Variants in STXBP4 observed in about 807,000 individuals in gnomAD.
STXBP4 encodes syntaxin-binding protein 4.
Under a neutral mutation model 76.1 loss-of-function variants are expected in STXBP4, and 55 were observed. The ratio of observed to expected loss-of-function variants is 0.72; its 90% CI spans 0.58 to 0.91. The LOEUF is 0.91. Ranked by LOEUF, STXBP4 falls within the 40% of genes least tolerant of loss-of-function variation. The probability of loss-of-function intolerance (pLI) is 0.00; values close to 1 mark genes in which losing one functional copy is unlikely to be tolerated. For synonymous variants in STXBP4, 201 were observed against 220.2 expected (o/e 0.91, Z 0.77); for missense variants, 618 against 636.9 (o/e 0.97, Z 0.32).
the STXBP4 span, among the ~76,000 whole-genome samples, chr17:55,190,148 CT>C: frequency 6.6e-6 from 1 of 152,128 alleles, no homozygotes; most frequent in Non-Finnish European, 1.5e-5. Flanking sequence ...ATTGGAATCT[CT>C]AGTGAATCAC....
chr17:54,990,391 C>A (rs1377172310), intron 3 of STXBP4, among the ~76,000 whole-genome samples: 2 of 152,060 alleles, frequency 1.3e-5, no homozygotes, highest in Non-Finnish European at 2.9e-5. Flanking sequence ...GGAGCATGAA[C>A]CCTATTGTGA....
chr17:55,115,625 T>A (rs2079771839), intron 16 of STXBP4, among the ~76,000 whole-genome samples: 1 of 151,854 alleles, frequency 6.6e-6, no homozygotes, highest in African/African-American at 2.4e-5. Flanking sequence ...CCTTTGTTTG[T>A]TTTCTCTTTA....
intron 12 of STXBP4, among the ~76,000 whole-genome samples, chr17:55,066,094 C>T (rs188270105): frequency 6.6e-5 from 10 of 152,320 alleles, no homozygotes; most frequent in African/African-American, 2.4e-4. Context: ...GCTACCTAAA[C>T]TGTGGAATCA....
chr17:55,024,870 GC>G (rs1474206207), intron 8 of STXBP4, among the ~76,000 whole-genome samples: 1 of 152,140 alleles, frequency 6.6e-6, no homozygotes, highest in Non-Finnish European at 1.5e-5. Context: ...GGGCACGGTG[GC>G]TCACACCTGT....
intron 10 of STXBP4, among the ~76,000 whole-genome samples, chr17:55,042,928 G>A (rs2078727968): frequency 6.6e-6 from 1 of 152,056 alleles, no homozygotes; most frequent in East Asian, 1.9e-4. Flanking sequence ...AATTCCTGAA[G>A]TCTTTTTGAC....
intron 7 of STXBP4, among the ~76,000 whole-genome samples, chr17:55,001,847 T>C (rs1003891682): frequency 6.6e-6 from 1 of 152,144 alleles, no homozygotes; most frequent in African/African-American, 2.4e-5. Context: ...TTAGCCAGGA[T>C]GGTCTCGATC....
chr17:55,011,299 A>G (rs903545386), intron 8 of STXBP4, among the ~76,000 whole-genome samples: 3 of 151,872 alleles, frequency 2.0e-5, no homozygotes, highest in South Asian at 2.1e-4. Context: ...TGTATGTATT[A>G]TACACATACA....
At chr17:55,154,829 TTATAA>T (rs1598355225) in intron 17 of STXBP4, among the ~76,000 whole-genome samples, 4 of 152,144 alleles carry the variant, frequency 2.6e-5, no homozygotes, top group African/African-American at 4.8e-5. Context: ...CTTTAGATTC[TTATAA>T]TATGATTTGA....
At chr17:55,050,375 A>G (rs886873840) in intron 12 of STXBP4, among the ~76,000 whole-genome samples, 2 of 152,066 alleles carry the variant, frequency 1.3e-5, no homozygotes, top group Admixed American at 1.3e-4. Flanking sequence ...AAGATACTCA[A>G]TCTCTTTCTC....
Position 55,081,187 on chromosome 17 carries a change from A to G in STXBP4, c.1489+4A>G. ...CGTGCCTTACTTGATATGGATTGTA[A>G]GTTTTCTGCATTTTTTCACTTTTTA... On this transcript the variant is annotated splice_donor_region_variant and intron_variant, in intron 16 of 17. Transcript: ENST00000376352. The G allele has an allele frequency of 1.4e-6, 2 of 1,451,324 alleles. No homozygotes were observed. Among genetic ancestry groups the G allele is most frequent in the Non-Finnish European group, 1.8e-6 (2 of 1,099,922 alleles). The allele number at this position is 1,451,324 out of a possible 1,614,324, so 89.9% of individuals were successfully genotyped here.
intron 3 of STXBP4, among the ~76,000 whole-genome samples, chr17:54,988,878 C>T (rs151079240): frequency 1.9e-3 from 285 of 152,252 alleles, no homozygotes; most frequent in Admixed American, 5.2e-3. Context: ...ACCAGATAGG[C>T]CTTCCCAAAT....
At chr17:55,146,535 C>G (rs2080155918) in intron 17 of STXBP4, among the ~76,000 whole-genome samples, 1 of 151,968 alleles carries the variant, frequency 6.6e-6, no homozygotes, top group African/African-American at 2.4e-5. Context: ...CACGGTGAAA[C>G]CCTGTCTCTA....
At chr17:55,015,231 A>C (rs1424949958) in intron 8 of STXBP4, among the ~76,000 whole-genome samples, 1 of 152,116 alleles carries the variant, frequency 6.6e-6, no homozygotes, top group African/African-American at 2.4e-5. Context: ...GCTTCTTCCT[A>C]GTTTTCCTTA....
At position 55,152,328 on chromosome 17, in the gene STXBP4, A is replaced by G. The variant is rs139618634; in HGVS notation, c.1548-7469A>G. Among the ~76,000 whole-genome samples, 469 of 152,324 alleles carry G rather than the reference A, an allele frequency of 3.1e-3. 5 individuals are homozygous for G. The highest frequency in any genetic ancestry group is 0.011 in the African/African-American group (455 of 41,560). ...ATAGATATATGAAGAATTTGTTGCT[A>G]CATGATGTAAAAAATATGACTGCTG... On this transcript the variant is annotated intron_variant, in intron 17 of 17. Transcript: ENST00000376352.
intron 15 of STXBP4, among the ~76,000 whole-genome samples, chr17:55,078,989 G>T (rs1269910799): frequency 1.3e-5 from 2 of 152,114 alleles, no homozygotes; most frequent in Non-Finnish European, 2.9e-5. Context: ...CACCTATCCT[G>T]TCTTTATCAA....
intron 8 of STXBP4, among the ~76,000 whole-genome samples, chr17:55,030,387 T>G (rs900370590): frequency 2.0e-5 from 3 of 152,152 alleles, no homozygotes; most frequent in African/African-American, 7.2e-5. Flanking sequence ...CCCCGACTTT[T>G]GAAAGGAGAC....
intron 13 of STXBP4, among the ~76,000 whole-genome samples, chr17:55,074,049 T>G (rs2079152372): frequency 6.6e-6 from 1 of 152,178 alleles, no homozygotes; most frequent in Admixed American, 6.5e-5. Context: ...GAAAATCGAG[T>G]AAATTGAAAT....
chr17:55,002,430 G>A (rs1171677906), intron 7 of STXBP4, among the ~76,000 whole-genome samples: 3 of 152,004 alleles, frequency 2.0e-5, no homozygotes, highest in African/African-American at 7.2e-5. Context: ...AATAAAACAT[G>A]GGGCTAAAAA....
chr17:55,125,479 CAAAAAAA>C (rs10632680), intron 16 of STXBP4, among the ~76,000 whole-genome samples: 5,128 of 91,774 alleles, frequency 0.056, 345 homozygotes, highest in African/African-American at 0.19. Flanking sequence ...GGACAAAATA[CAAAAAAA>C]AAAAAAAAAA....
Sources: gnomAD v4.1 joint callset for allele counts (sites outside exome capture counted in the v4.1 genomes callset) on GRCh38, gnomAD v4.1.1 for gene constraint, MANE v1.5 for transcripts, NCBI Gene and HGNC (gene_info 2026-07-23, HGNC 2026-07-21) for gene names.